TSPAN31: variants seen among roughly 807,000 people sequenced by gnomAD.
TSPAN31 encodes the protein tetraspanin-31.
Under a neutral mutation model 24.8 loss-of-function variants are expected in TSPAN31, and 16 were observed. That is an observed-to-expected ratio of 0.64 (90% confidence interval 0.44 to 0.98). The LOEUF (loss-of-function observed/expected upper bound fraction) is 0.98, where lower values mean the gene tolerates loss of function less well. Among genes scored for constraint, TSPAN31 ranks in the 50% least tolerant of loss-of-function variants. The probability of loss-of-function intolerance (pLI) is 0.00; values close to 1 mark genes in which losing one functional copy is unlikely to be tolerated. For missense variants in TSPAN31, 209 were observed against 251.6 expected (o/e 0.83, Z 1.15); for synonymous variants, 87 against 91.4 (o/e 0.95, Z 0.27).
In TSPAN31 at chr12:57,748,429, C is replaced by G; in HGVS notation, c.*1139C>G. The G allele has an allele frequency of 1.1e-6, 1 of 883,778 alleles. No individual in the cohort carries two copies. The highest frequency in any genetic ancestry group is 1.9e-6 in the Non-Finnish European group (1 of 519,234). The allele number at this position is 883,778 out of a possible 1,614,324, so 54.7% of individuals were successfully genotyped here. On this transcript the variant is annotated 3_prime_UTR_variant, in exon 6 of 6. Transcript: ENST00000257910. Reference sequence around the variant, plus strand: ...TCTCTGTAGAAAGATGGAGGAGGACCCTCCATAGCCTCAGAGATAAAGGCA... The same window carrying G: ...TCTCTGTAGAAAGATGGAGGAGGACGCTCCATAGCCTCAGAGATAAAGGCA...
rs775368489 is a variant in TSPAN31 at position 57,746,678 on chromosome 12, C to T, written c.402C>T (p.Asn134=). ...ERSFDCCGLF[N]LTTLYQQDYD... ...GTTTTGATTGTTGTGGCTTATTCAA[C>T]CTCACAACCCTGTATCAACAAGATT... The change falls in exon 4 of 6, where the codon AAC becomes AAT. Residue 134 remains asparagine, a synonymous_variant. Coordinates refer to ENST00000257910, the MANE Select transcript of TSPAN31 (RefSeq NM_005981.5). 3.1e-6 allele frequency: 5 copies of T among 1,614,168 alleles called. No individual in the cohort carries two copies. The highest frequency in any genetic ancestry group is 1.1e-5 in the South Asian group (1 of 91,076).
At position 57,746,719 on chromosome 12, in the gene TSPAN31, CAGTG is replaced by C. The variant is rs745465695; in HGVS notation, c.444+4_444+7del. On this transcript the variant is annotated splice_donor_variant and splice_donor_region_variant and coding_sequence_variant and intron_variant, in exon 4 of 6. Transcript: ENST00000257910. LOFTEE classifies it high-confidence loss of function. ...CAACAAGATTATGATTTCTGCACTG[CAGTG>C]AGTGTGTTGGGGGTGGTGCAGCAGC... The C allele has an allele frequency of 7.4e-6, 12 of 1,613,996 alleles. No homozygotes were observed. The highest frequency in any genetic ancestry group is 1.3e-5 in the African/African-American group (1 of 74,898).
At position 57,747,025 on chromosome 12, in the gene TSPAN31, A is replaced by G. The variant is rs760663584; in HGVS notation, c.452A>G (p.Lys151Arg). The G allele has an allele frequency of 6.2e-7, 1 of 1,614,048 alleles. No individual in the cohort carries two copies. Among genetic ancestry groups the G allele is most frequent in the African/African-American group, 1.3e-5 (1 of 75,066 alleles). The stretch of plus-strand genomic sequence containing the variant: ...TTCACGTTTTATCCTCAGATCTGCA[A>G]GAGCCAGAGCCCCACATGCCAGATG... ...QDYDFCTAIC[K>R]SQSPTCQMCG... Residue 151 changes from lysine to arginine, a missense_variant, in exon 5 of 6, where the codon AAG (lysine) becomes AGG (arginine). Lys to Arg is a conservative substitution (Grantham distance 26). Coordinates refer to ENST00000257910, the MANE Select transcript of TSPAN31 (RefSeq NM_005981.5).
Position 57,746,213 on chromosome 12 carries a change from T to C in TSPAN31, c.269T>C (p.Phe90Ser). ...IILGLVFIFQ[F>S]VISCSCLAIN... is the part of the protein sequence containing the mutation. ...CTTGGTTTGGTCTTCATCTTCCAATTTGTAATCTCTTGCTCATGTCTGGCT... is the reference window on the plus strand; with the variant it reads ...CTTGGTTTGGTCTTCATCTTCCAATCTGTAATCTCTTGCTCATGTCTGGCT... Residue 90 changes from phenylalanine (F) to serine (S), a missense_variant, in exon 3 of 6, where the codon TTT (phenylalanine) becomes TCT (serine). Physicochemically the swap from Phe to Ser is radical, Grantham distance 155 (BLOSUM62 -2). Coordinates refer to ENST00000257910, the MANE Select transcript of TSPAN31 (RefSeq NM_005981.5). 6.2e-7 allele frequency: 1 copy of C among 1,614,200 alleles called. No individual in the cohort carries two copies. The highest frequency in any genetic ancestry group is 8.5e-7 in the Non-Finnish European group (1 of 1,180,018).
Position 57,748,055 on chromosome 12 carries a change from C to T in TSPAN31, c.*765C>T. The T allele has an allele frequency of 3.9e-6, 1 of 258,630 alleles. No individual in the cohort carries two copies. The highest frequency in any genetic ancestry group is 7.5e-6 in the Non-Finnish European group (1 of 133,114). The allele number at this position is 258,630 out of a possible 1,614,324, so 16.0% of individuals were successfully genotyped here. ...CCACGCCCCGCCTAAAATCCATATT[C>T]AAAGAAGCAATTTCAGTTCCTTTCT... is the stretch of plus-strand genomic sequence containing the variant. On this transcript the variant is annotated 3_prime_UTR_variant, in exon 6 of 6. Coordinates refer to ENST00000257910, the MANE Select transcript of TSPAN31 (RefSeq NM_005981.5).
Position 57,748,575 on chromosome 12 carries a change from G to T in TSPAN31, c.*1285G>T, listed in dbSNP as rs587779897. ...TGTAGATAAGAGTGCTGCAGAGCTC[G>T]AAAGGCAGAGATTCGCTTGTGTGGG... On this transcript the variant is annotated 3_prime_UTR_variant, in exon 6 of 6. Coordinates refer to ENST00000257910, the MANE Select transcript of TSPAN31 (RefSeq NM_005981.5). 2 of 1,613,992 alleles carry T rather than the reference G, an allele frequency of 1.2e-6. No individual in the cohort carries two copies. The highest frequency in any genetic ancestry group is 2.2e-5 in the South Asian group (2 of 91,054).
chr12:57,747,125 T>G lies in TSPAN31; in HGVS notation c.552T>G (p.Phe184Leu). The change falls in exon 5 of 6, where the codon TTT (phenylalanine) becomes TTG (leucine). Residue 184 changes from phenylalanine (F) to leucine (L), a missense_variant. Physicochemically the swap from Phe to Leu is conservative, Grantham distance 22. Coordinates refer to ENST00000257910, the MANE Select transcript of TSPAN31 (RefSeq NM_005981.5). The stretch of plus-strand genomic sequence containing the variant: ...GGGGTGTTGGACTCTTCTTTAGCTT[T>G]ACAGAGGTAACATTCTCCAGTTCCC... ...ILGGVGLFFS[F>L]TEILGVWLAM... The G allele has an allele frequency of 6.2e-7, 1 of 1,614,090 alleles. No homozygotes were observed. Among genetic ancestry groups the G allele is most frequent in the Admixed American group, 1.7e-5 (1 of 60,024 alleles).
chr12:57,746,038 A>G (rs1955144649), intron 2 of TSPAN31, 126 bp downstream of exon 2: 2 of 1,459,614 alleles, frequency 1.4e-6, no homozygotes, highest in Admixed American at 2.0e-5. Flanking sequence ...CTGTCCCATA[A>G]TCTACGAAAC....
chr12:57,745,933 G>T, intron 2 of TSPAN31, 21 bp downstream of exon 2: 1 of 1,570,116 alleles, frequency 6.4e-7, no homozygotes, highest in Non-Finnish European at 8.6e-7. Flanking sequence ...CTGAAGTGAT[G>T]GGGGCAACCG....
chr12:57,748,443 G>A lies in TSPAN31; in HGVS notation c.*1153G>A, dbSNP rs1955185077. On this transcript the variant is annotated 3_prime_UTR_variant, in exon 6 of 6. Coordinates refer to ENST00000257910, the MANE Select transcript of TSPAN31 (RefSeq NM_005981.5). ...TGGAGGAGGACCCTCCATAGCCTCA[G>A]AGATAAAGGCAAAGATTGCCCTCTC... The A allele has an allele frequency of 2.0e-6, 2 of 1,011,356 alleles. No homozygotes were observed. The highest frequency in any genetic ancestry group is 1.6e-6 in the Non-Finnish European group (1 of 633,780). The allele number at this position is 1,011,356 out of a possible 1,614,324, so 62.6% of individuals were successfully genotyped here.
Position 57,749,048 on chromosome 12 carries a change from T to C in TSPAN31, c.*1758T>C. The C allele has an allele frequency of 8.7e-7, 1 of 1,151,568 alleles. No homozygotes were observed. The allele number at this position is 1,151,568 out of a possible 1,614,324, so 71.3% of individuals were successfully genotyped here. Reference sequence around the variant, plus strand: ...ATATCCTTCTCTGTGGGTGGCTATTTGCAGCTGTAATAAAAACTACAGCCC... The same window carrying C: ...ATATCCTTCTCTGTGGGTGGCTATTCGCAGCTGTAATAAAAACTACAGCCC... On this transcript the variant is annotated 3_prime_UTR_variant, in exon 6 of 6. Coordinates refer to ENST00000257910, the MANE Select transcript of TSPAN31 (RefSeq NM_005981.5).
rs1299577422 is a variant in TSPAN31, at chr12:57,748,599, G to C, written c.*1309G>C. ...CGAAAGGCAGAGATTCGCTTGTGTG[G>C]GTTAAAAGTCAGCATTTCCTGAGGG... is the stretch of plus-strand genomic sequence containing the variant. On this transcript the variant is annotated 3_prime_UTR_variant, in exon 6 of 6. Coordinates refer to ENST00000257910, the MANE Select transcript of TSPAN31 (RefSeq NM_005981.5). 6.2e-7 allele frequency: 1 copy of C among 1,613,708 alleles called. No individual in the cohort carries two copies. Among genetic ancestry groups the C allele is most frequent in the Admixed American group, 1.7e-5 (1 of 60,034 alleles).
chr12:57,745,903 G>T lies in TSPAN31; in HGVS notation c.222G>T (p.Leu74=), dbSNP rs1212212860. The change falls in exon 2 of 6, where the codon CTG becomes CTT. Residue 74 remains leucine, a synonymous_variant. Transcript: ENST00000257910. ...LVGAVNHHQV[L]LFFYMIILGL... ...GTGCTGTCAACCACCACCAAGTCCT[G>T]CTGTTCTTTGTATCCTGACCTGAAG... The T allele has an allele frequency of 1.9e-6, 3 of 1,604,320 alleles. No homozygotes were observed. Among genetic ancestry groups the T allele is most frequent in the Non-Finnish European group, 2.6e-6 (3 of 1,175,748 alleles).
intron 1 of TSPAN31, 73 bp from the exon 2 acceptor site, chr12:57,745,672 A>G: frequency 6.3e-7 from 1 of 1,579,854 alleles, no homozygotes; most frequent in Non-Finnish European, 8.6e-7. Flanking sequence ...CCCCGCTCCC[A>G]AGTCCTCTTG....
chr12:57,746,112 A>T, intron 2 of TSPAN31, 64 bp from the exon 3 acceptor site: 2 of 1,500,366 alleles, frequency 1.3e-6, no homozygotes, highest in South Asian at 2.3e-5. Flanking sequence ...AGATGAGACC[A>T]GACAGTTATT....
chr12:57,749,234 G>A lies in TSPAN31; in HGVS notation c.*1944G>A, dbSNP rs1234167326. 1.2e-6 allele frequency: 2 copies of A among 1,614,082 alleles called. No homozygotes were observed. The highest frequency in any genetic ancestry group is 1.7e-6 in the Non-Finnish European group (2 of 1,179,918). ...CATCTCAGGTACCACCGACTGCACT[G>A]GGCGGGGCCCTCTGGGGGGAAAGGC... On this transcript the variant is annotated 3_prime_UTR_variant, in exon 6 of 6. Coordinates refer to ENST00000257910, the MANE Select transcript of TSPAN31 (RefSeq NM_005981.5).
At chr12:57,746,351 T>G (rs1371936733) in intron 3 of TSPAN31, 95 bp downstream of exon 3, 1 of 1,293,098 alleles carries the variant, frequency 7.7e-7, no homozygotes, top group African/African-American at 1.5e-5. Flanking sequence ...TACCCAAAGA[T>G]CATCCTTAGG....
chr12:57,745,109 C>G lies in TSPAN31; in HGVS notation c.-46C>G, dbSNP rs778705354. 6.5e-7 allele frequency: 1 copy of G among 1,549,386 alleles called. No individual in the cohort carries two copies. Among genetic ancestry groups the G allele is most frequent in the Non-Finnish European group, 8.8e-7 (1 of 1,139,684 alleles). ...GTCCTGGAAGACGGTCCCCAATACCCTCCCCCCAAGTCCTTGGGACCACTT... is the reference window on the plus strand; with the variant it reads ...GTCCTGGAAGACGGTCCCCAATACCGTCCCCCCAAGTCCTTGGGACCACTT... On this transcript the variant is annotated 5_prime_UTR_variant, in exon 1 of 6. Transcript: ENST00000257910.
At position 57,749,212 on chromosome 12, in the gene TSPAN31, C is replaced by G. The variant is rs1955200192; in HGVS notation, c.*1922C>G. 1 of 1,613,934 alleles carries G rather than the reference C, an allele frequency of 6.2e-7. No individual in the cohort carries two copies. The highest frequency in any genetic ancestry group is 1.7e-5 in the Admixed American group (1 of 59,998). Reference sequence around the variant, plus strand: ...GCAGCTGTGCTCCCGACTCCTCCATCTCAGGTACCACCGACTGCACTGGGC... The same window carrying G: ...GCAGCTGTGCTCCCGACTCCTCCATGTCAGGTACCACCGACTGCACTGGGC... On this transcript the variant is annotated 3_prime_UTR_variant, in exon 6 of 6. Transcript: ENST00000257910.
Sources: allele counts gnomAD v4.1 joint callset, GRCh38; gene constraint gnomAD v4.1.1; transcripts MANE v1.5; gene names NCBI Gene and HGNC (gene_info 2026-07-23, HGNC 2026-07-21).